The following XRCC4 variants were observed in gnomAD, a reference collection of about 807,000 sequenced individuals.
The protein encoded by XRCC4 is DNA repair protein XRCC4.
Under a neutral mutation model 39.1 loss-of-function variants are expected in XRCC4, and 28 were observed. The ratio of observed to expected loss-of-function variants is 0.72; its 90% CI spans 0.53 to 0.98. The LOEUF is 0.98. Among genes scored for constraint, XRCC4 ranks in the 50% least tolerant of loss-of-function variants. The pLI is 0.00. For synonymous variants in XRCC4, 123 were observed against 126.4 expected, an observed-to-expected ratio of 0.97 and a Z score of 0.18; for missense variants, 350 against 376.4, an observed-to-expected ratio of 0.93 and a Z score of 0.58.
At chr5:83,106,242 G>C (rs1746192094) in intron 2 of XRCC4, among the ~76,000 whole-genome samples, 1 of 152,028 alleles carries the variant, frequency 6.6e-6, no homozygotes, top group Middle Eastern at 3.2e-3. Context: ...CTTGTTTTAG[G>C]GTGAAGAGTG....
the XRCC4 span, among the ~76,000 whole-genome samples, chr5:83,359,008 A>G: frequency 3.3e-5 from 5 of 152,190 alleles, no homozygotes; most frequent in African/African-American, 1.2e-4. Flanking sequence ...GGAACTGTAT[A>G]TGCAGGGGTG....
intron 7 of XRCC4, among the ~76,000 whole-genome samples, chr5:83,265,976 G>A (rs1440655766): frequency 1.3e-5 from 2 of 151,902 alleles, no homozygotes; most frequent in East Asian, 1.9e-4. Context: ...AATGTTTATA[G>A]GAGACTTTTA....
chr5:83,258,635 C>A lies in XRCC4; in HGVS notation c.851C>A (p.Pro284His), dbSNP rs1368909205. ...QRMQRNLGTE[P>H]KMAPQENQLQ... ...ATGCAAAGAAATCTTGGGACAGAAC[C>A]TAAAATGGCTCCTCAGGAGAATCAG... The change falls in exon 7 of 8, where the codon CCT becomes CAT. Residue 284 changes from proline to histidine, a missense_variant. Pro to His is a moderately conservative substitution (Grantham distance 77). Coordinates refer to ENST00000396027, the MANE Select transcript of XRCC4 (RefSeq NM_003401.5). The A allele has an allele frequency of 6.2e-6, 10 of 1,611,534 alleles. No homozygotes were observed. The highest frequency in any genetic ancestry group is 1.3e-5 in the African/African-American group (1 of 74,726).
intron 1 of XRCC4, among the ~76,000 whole-genome samples, chr5:83,099,511 G>A (rs971012958): frequency 6.6e-6 from 1 of 152,150 alleles, no homozygotes; most frequent in Non-Finnish European, 1.5e-5. Flanking sequence ...ACTGTGAATG[G>A]TATTTGTTCA....
chr5:83,374,051 T>C, the XRCC4 span, among the ~76,000 whole-genome samples: 2 of 151,896 alleles, frequency 1.3e-5, no homozygotes, highest in African/African-American at 4.8e-5. Context: ...AAGCAGAGAG[T>C]ATTAACCTGT....
intron 7 of XRCC4, among the ~76,000 whole-genome samples, chr5:83,327,181 A>C (rs956940325): frequency 6.6e-6 from 1 of 152,004 alleles, no homozygotes; most frequent in African/African-American, 2.4e-5. Flanking sequence ...AAGTTTCCTT[A>C]TAATTATTTG....
rs117845052 is a variant in XRCC4, at chr5:83,175,969, A to C, written c.316-19801A>C. ...AATGAGACCAGGAGTTCAAGATTAC[A>C]GTGAGCTATGATTCCACCACTGCAT... On this transcript the variant is annotated intron_variant, in intron 3 of 7. Coordinates refer to ENST00000396027, the MANE Select transcript of XRCC4 (RefSeq NM_003401.5). Among the ~76,000 whole-genome samples the C allele has an allele frequency of 2.9e-3, 437 of 152,204 alleles. 11 individuals carry two copies. The East Asian group carries it at 0.073, about 25-fold the overall frequency.
At chr5:83,313,612 A>G (rs1369512989) in intron 7 of XRCC4, among the ~76,000 whole-genome samples, 2 of 151,856 alleles carry the variant, frequency 1.3e-5, no homozygotes, top group Non-Finnish European at 2.9e-5. Context: ...CCCAACACTA[A>G]CTCTGCTCCA....
At chr5:83,192,321 T>A (rs373082346) in intron 3 of XRCC4, among the ~76,000 whole-genome samples, 6 of 79,650 alleles carry the variant, frequency 7.5e-5, no homozygotes, top group East Asian at 2.2e-4. Flanking sequence ...ATATATATAT[T>A]TTTTTGAGAC....
At chr5:83,208,723 A>G (rs1204919857) in intron 6 of XRCC4, among the ~76,000 whole-genome samples, 1 of 152,056 alleles carries the variant, frequency 6.6e-6, no homozygotes, top group East Asian at 1.9e-4. Context: ...GAAATCCCCA[A>G]AGTATTCTGA....
chr5:83,269,811 C>A (rs1406346924), intron 7 of XRCC4, among the ~76,000 whole-genome samples: 1 of 151,928 alleles, frequency 6.6e-6, no homozygotes, highest in Admixed American at 6.6e-5. Context: ...GGTCCCCAAC[C>A]TTTTTGGCAC....
chr5:83,133,596 C>T (rs909572558), intron 3 of XRCC4, among the ~76,000 whole-genome samples: 1 of 152,176 alleles, frequency 6.6e-6, no homozygotes, highest in Non-Finnish European at 1.5e-5. Context: ...TGGTGGACGC[C>T]CCTACCCTAG....
chr5:83,089,152 C>G (rs370255664), intron 1 of XRCC4, among the ~76,000 whole-genome samples: 2 of 152,296 alleles, frequency 1.3e-5, no homozygotes, highest in East Asian at 1.9e-4. Context: ...ACCTTGATAA[C>G]AAATGACTTC....
intron 6 of XRCC4, among the ~76,000 whole-genome samples, chr5:83,245,511 A>G (rs1378943939): frequency 6.6e-6 from 1 of 152,132 alleles, no homozygotes; most frequent in Non-Finnish European, 1.5e-5. Context: ...TGTTATTGTC[A>G]TATAAATGCA....
rs751716829 is a variant in XRCC4, at chr5:83,305,543, CTTCTG to C, written c.893+46872_893+46876del. Among the ~76,000 whole-genome samples the C allele has an allele frequency of 8.6e-4, 131 of 152,152 alleles. No individual in the cohort carries two copies. The Middle Eastern group carries it at 0.01, about 12-fold the overall frequency. ...TTATTATATAGAACACTTCAAAGAA[CTTCTG>C]TTCTGAGGAATACCCTTTGGAAAAT... On this transcript the variant is annotated intron_variant, in intron 7 of 7. Coordinates refer to ENST00000396027, the MANE Select transcript of XRCC4 (RefSeq NM_003401.5).
intron 3 of XRCC4, among the ~76,000 whole-genome samples, chr5:83,164,512 G>A (rs1025950475): frequency 7.9e-5 from 12 of 152,054 alleles, no homozygotes; most frequent in African/African-American, 2.9e-4. Context: ...GAGATCTGTT[G>A]TGCAGCATGG....
intron 1 of XRCC4, among the ~76,000 whole-genome samples, chr5:83,081,472 A>G (rs1244764246): frequency 6.6e-6 from 1 of 152,136 alleles, no homozygotes; most frequent in African/African-American, 2.4e-5. Context: ...CTTGAGGACC[A>G]AAGTTAATAC....
At chr5:83,133,402 A>G (rs548817955) in intron 3 of XRCC4, among the ~76,000 whole-genome samples, 19 of 151,832 alleles carry the variant, frequency 1.3e-4, no homozygotes, top group Middle Eastern at 3.4e-3. Context: ...GAGAACCACT[A>G]CTCTCTTCAC....
intron 1 of XRCC4, among the ~76,000 whole-genome samples, chr5:83,103,009 G>GAGATATAT: frequency 9.4e-6 from 1 of 106,460 alleles, no homozygotes; most frequent in South Asian, 3.4e-4. Flanking sequence ...AGATAGAGCT[G>GAGATATAT]ATATATATAT....
Sources: allele counts gnomAD v4.1 joint callset (sites outside exome capture counted in the v4.1 genomes callset), GRCh38; gene constraint gnomAD v4.1.1; transcripts MANE v1.5; gene names NCBI Gene and HGNC (gene_info 2026-07-23, HGNC 2026-07-21).